Variants in CCSER1 observed in about 807,000 individuals in gnomAD.
CCSER1 encodes the protein serine-rich coiled-coil domain-containing protein 1.
In CCSER1, 41 loss-of-function variants were observed where a neutral mutation model predicts 82.0. That is an observed-to-expected ratio of 0.50 (90% CI 0.39 to 0.65). The LOEUF (loss-of-function observed/expected upper bound fraction) is 0.65, where lower values mean the gene tolerates loss of function less well. CCSER1 is among the 30% of genes least tolerant of loss of function. The pLI is 0.00. For synonymous variants in CCSER1, 414 were observed against 383.9 expected, an observed-to-expected ratio of 1.08 and a Z score of -0.92; for missense variants, 1,119 against 1,064.2, an observed-to-expected ratio of 1.05 and a Z score of -0.72.
At chr4:90,826,510 C>T (rs1420578429) in intron 8 of CCSER1, among the ~76,000 whole-genome samples, 1 of 152,196 alleles carries the variant, frequency 6.6e-6, no homozygotes, top group African/African-American at 2.4e-5. Context: ...AGCTACTGAG[C>T]TCCTAACCTT....
At position 90,564,704 on chromosome 4, in the gene CCSER1, G is replaced by A. The variant is rs139818855; in HGVS notation, c.1725-63321G>A. 7.3e-3 allele frequency among the ~76,000 whole-genome samples: 1,069 copies of A among 146,364 alleles called. 18 individuals carry two copies. The highest frequency in any genetic ancestry group is 0.027 in the African/African-American group (1,021 of 38,210). On this transcript the variant is annotated intron_variant, in intron 5 of 10. Coordinates refer to ENST00000509176, the MANE Select transcript of CCSER1 (RefSeq NM_001145065.2). The stretch of plus-strand genomic sequence containing the variant: ...TTCATTTTGTTTTTTTTTTTAATAT[G>A]GTGTGAGATAAGAGTCTAATTCATT...
chr4:90,914,132 C>G (rs1364069527), intron 8 of CCSER1, among the ~76,000 whole-genome samples: 1 of 152,172 alleles, frequency 6.6e-6, no homozygotes, highest in Non-Finnish European at 1.5e-5. Flanking sequence ...TTCAGCTGTG[C>G]ACCAAGTGGA....
intron 5 of CCSER1, among the ~76,000 whole-genome samples, chr4:90,581,064 T>C (rs1483841091): frequency 6.6e-6 from 1 of 152,086 alleles, no homozygotes; most frequent in Non-Finnish European, 1.5e-5. Flanking sequence ...ATGCAATAAA[T>C]TGAATAATAT....
At chr4:90,851,697 G>T (rs1580778207) in intron 8 of CCSER1, among the ~76,000 whole-genome samples, 1 of 151,742 alleles carries the variant, frequency 6.6e-6, no homozygotes, top group Non-Finnish European at 1.5e-5. Flanking sequence ...TGTTCACAAG[G>T]TTGTTCTGAA....
intron 6 of CCSER1, among the ~76,000 whole-genome samples, chr4:90,699,768 T>A (rs1737677581): frequency 6.6e-6 from 1 of 152,058 alleles, no homozygotes; most frequent in African/African-American, 2.4e-5. Flanking sequence ...AATCTAATCA[T>A]CAATGTGATG....
chr4:91,346,954 G>A (rs561695717), intron 10 of CCSER1, among the ~76,000 whole-genome samples: 3 of 151,814 alleles, frequency 2.0e-5, no homozygotes, highest in Admixed American at 6.6e-5. Context: ...TCTTCACAGT[G>A]TCTTTTGCAG....
At chr4:90,302,842 A>AGAAAAG (rs2153474930) in intron 1 of CCSER1, among the ~76,000 whole-genome samples, 1 of 151,616 alleles carries the variant, frequency 6.6e-6, no homozygotes, top group East Asian at 1.9e-4. Flanking sequence ...AAAGGAAGAA[A>AGAAAAG]GAAAAGGAAA....
At chr4:91,469,381 A>G (rs190752495) in intron 10 of CCSER1, among the ~76,000 whole-genome samples, 19 of 152,334 alleles carry the variant, frequency 1.2e-4, no homozygotes, top group African/African-American at 4.6e-4. Context: ...GTATTTCTAC[A>G]TATAATATTT....
intron 1 of CCSER1, among the ~76,000 whole-genome samples, chr4:90,230,470 C>T (rs1304865434): frequency 2.0e-5 from 3 of 151,312 alleles, no homozygotes; most frequent in Non-Finnish European, 3.0e-5. Flanking sequence ...GCATTCAAAG[C>T]AGTGTGTAGA....
At chr4:90,188,586 TA>T (rs893139544) in intron 1 of CCSER1, among the ~76,000 whole-genome samples, 7 of 151,976 alleles carry the variant, frequency 4.6e-5, no homozygotes, top group Non-Finnish European at 7.4e-5. Context: ...ATTTACATAC[TA>T]AGTTTTAGTA....
rs575437203 is a variant in CCSER1 at position 91,206,907 on chromosome 4, C to T, written c.2217+120913C>T. ...TCAACTATTTGGGCATTATTTATAT[C>T]CTATCTTAGACATTGTAGTACTCAC... On this transcript the variant is annotated intron_variant, in intron 10 of 10. Transcript: ENST00000509176. 3.3e-5 allele frequency among the ~76,000 whole-genome samples: 5 copies of T among 151,904 alleles called. No homozygotes were observed. The South Asian group carries it at 1.0e-3, about 32-fold the overall frequency.
At chr4:91,358,830 G>A (rs1019031569) in intron 10 of CCSER1, among the ~76,000 whole-genome samples, 9 of 152,104 alleles carry the variant, frequency 5.9e-5, no homozygotes, top group African/African-American at 2.2e-4. Context: ...AGCGCTCTTT[G>A]GATCACGTCA....
chr4:90,542,912 G>T (rs553699304), intron 5 of CCSER1, among the ~76,000 whole-genome samples: 156 of 152,094 alleles, frequency 1.0e-3, no homozygotes, highest in African/African-American at 3.7e-3. Context: ...TGAGGAAAAG[G>T]AATTTACTAA....
chr4:91,215,576 A>C (rs145402464), intron 10 of CCSER1, among the ~76,000 whole-genome samples: 102 of 152,278 alleles, frequency 6.7e-4, no homozygotes, highest in African/African-American at 2.4e-3. Flanking sequence ...CCAGCAGACT[A>C]AGCCAGCCTA....
intron 9 of CCSER1, among the ~76,000 whole-genome samples, chr4:91,065,311 T>C (rs1720690674): frequency 6.6e-6 from 1 of 152,122 alleles, no homozygotes; most frequent in South Asian, 2.1e-4. Context: ...AAGCTATGAA[T>C]ATAGAAAATA....
chr4:90,313,529 T>C (rs7356145), intron 3 of CCSER1, among the ~76,000 whole-genome samples: 11,663 of 152,154 alleles, frequency 0.077, 1,287 homozygotes, highest in African/African-American at 0.25. Context: ...TGAGGACCAA[T>C]GTGAAATGCC....
intron 7 of CCSER1, among the ~76,000 whole-genome samples, chr4:90,809,311 T>TACACACAC (rs56677479): frequency 5.4e-5 from 8 of 148,250 alleles, no homozygotes; most frequent in African/African-American, 1.8e-4. Flanking sequence ...AGCAAGATCA[T>TACACACAC]ACACACACAC....
At chr4:91,054,117 C>T (rs1314122622) in intron 9 of CCSER1, among the ~76,000 whole-genome samples, 1 of 152,164 alleles carries the variant, frequency 6.6e-6, no homozygotes, top group African/African-American at 2.4e-5. Context: ...AGGTTGCCCT[C>T]AGACTTGTAG....
At chr4:90,423,406 A>G (rs1757017871) in intron 4 of CCSER1, among the ~76,000 whole-genome samples, 1 of 150,948 alleles carries the variant, frequency 6.6e-6, no homozygotes, top group Admixed American at 6.6e-5. Context: ...TTTGTAGTTT[A>G]GTAGAGACAG....
Sources: gnomAD v4.1 joint callset for allele counts (sites outside exome capture counted in the v4.1 genomes callset) on GRCh38, gnomAD v4.1.1 for gene constraint, MANE v1.5 for transcripts, NCBI Gene and HGNC (gene_info 2026-07-23, HGNC 2026-07-21) for gene names.